Variants in PRSS3 observed in about 807,000 individuals in gnomAD.
PRSS3 encodes the protein serine protease 3.
Under a neutral mutation model 20.8 loss-of-function variants are expected in PRSS3, and 14 were observed. The ratio of observed to expected loss-of-function variants is 0.67; its 90% CI spans 0.44 to 1.05. The LOEUF (loss-of-function observed/expected upper bound fraction) is 1.05, where lower values mean the gene tolerates loss of function less well. Ranked by LOEUF, PRSS3 falls within the 50% of genes least tolerant of loss-of-function variation. PRSS3 has a pLI of 0.00. For synonymous variants in PRSS3, 91 were observed against 117.6 expected, an observed-to-expected ratio of 0.77 and a Z score of 1.46; for missense variants, 237 against 306.4, an observed-to-expected ratio of 0.77 and a Z score of 1.69.
At chr9:33,781,067 A>C (rs902406422) in intron 1 of PRSS3, among the ~76,000 whole-genome samples, 12 of 152,244 alleles carry the variant, frequency 7.9e-5, no homozygotes, top group Non-Finnish European at 1.8e-4. Flanking sequence ...TCCACCCAAA[A>C]GGAATGCTTA....
chr9:33,795,735 A>T (rs548370866), intron 1 of PRSS3, 122 bp downstream of exon 1: 1 of 1,242,346 alleles, frequency 8.0e-7, no homozygotes, highest in African/African-American at 1.5e-5. Flanking sequence ...TCCATCTGAC[A>T]TATCTCCTTC....
Position 33,750,900 on chromosome 9 carries a change from G to A in PRSS3, c.-53+173G>A. On this transcript the variant is annotated intron_variant, in intron 1 of 5. Coordinates refer to the PRSS3 transcript ENST00000342836. The surrounding 1 kb of genome is among the most constrained non-coding windows in gnomAD (Gnocchi z 4.8). ...CCGACTGGGAGGGGCTCAGGGACAG[G>A]GATGGAGGCTCCTCTAGGGGAGGAC... is the stretch of plus-strand genomic sequence containing the variant. The A allele has an allele frequency of 5.2e-6, 7 of 1,342,222 alleles. No homozygotes were observed. The highest frequency in any genetic ancestry group is 6.7e-6 in the Non-Finnish European group (7 of 1,049,234). 83.1% of individuals were successfully genotyped at this position (1,342,222 alleles called of 1,614,324 possible). A position where few individuals can be genotyped will look rare whatever the true frequency, so the allele number is the denominator to read the frequency against.
At chr9:33,771,387 G>A (rs942893785) in intron 1 of PRSS3, among the ~76,000 whole-genome samples, 11 of 151,116 alleles carry the variant, frequency 7.3e-5, no homozygotes, top group African/African-American at 2.4e-4. Flanking sequence ...GTGCAGTGGC[G>A]CGATCTCAGC....
chr9:33,785,044 C>T (rs2119017960), intron 1 of PRSS3, among the ~76,000 whole-genome samples: 1 of 151,626 alleles, frequency 6.6e-6, no homozygotes, highest in Middle Eastern at 3.4e-3. Context: ...GTATGAAAAG[C>T]AGAGTAAGTG....
intron 1 of PRSS3, among the ~76,000 whole-genome samples, chr9:33,762,424 A>G (rs960324186): frequency 2.6e-5 from 4 of 152,158 alleles, no homozygotes; most frequent in Admixed American, 6.6e-5. Flanking sequence ...AGTCACATCC[A>G]CCTGTGAGCA....
At chr9:33,791,969 G>A (rs1356845068), upstream of PRSS3, among the ~76,000 whole-genome samples, 1 of 152,116 alleles carries the variant, frequency 6.6e-6, no homozygotes, top group Non-Finnish European at 1.5e-5. Flanking sequence ...GAGGCAGGCA[G>A]GGAGGAATGG....
intron 1 of PRSS3, chr9:33,786,721 T>G: frequency 1.3e-6 from 1 of 766,302 alleles, no homozygotes; most frequent in Non-Finnish European, 2.4e-6. Flanking sequence ...AGAGCAGATT[T>G]GTCATTGACA....
At chr9:33,795,319 CCCAGCATCCTTCCAGGAAATAG>C (rs1210384436), upstream of PRSS3, among the ~76,000 whole-genome samples, 1 of 152,220 alleles carries the variant, frequency 6.6e-6, no homozygotes, top group Non-Finnish European at 1.5e-5. Flanking sequence ...TCTTCCCCAT[CCCAGCATCCTTCCAGGAAATAG>C]CCAGTCTCCC....
At chr9:33,755,054 G>T (rs972561876) in intron 1 of PRSS3, among the ~76,000 whole-genome samples, 1 of 152,142 alleles carries the variant, frequency 6.6e-6, no homozygotes, top group African/African-American at 2.4e-5. Flanking sequence ...TAGAGTGCAA[G>T]GACCACTCTG....
chr9:33,789,754 T>C (rs961575832), intron 1 of PRSS3, among the ~76,000 whole-genome samples: 1 of 152,224 alleles, frequency 6.6e-6, no homozygotes, highest in Non-Finnish European at 1.5e-5. Flanking sequence ...CCTTGGATTA[T>C]GAAGCACCTT....
At chr9:33,773,431 T>C (rs1823788708) in intron 1 of PRSS3, among the ~76,000 whole-genome samples, 2 of 152,188 alleles carry the variant, frequency 1.3e-5, no homozygotes, top group Admixed American at 1.3e-4. Flanking sequence ...AGATGAGGTC[T>C]TCACACATCC....
chr9:33,790,735 T>C (rs74813692), upstream of PRSS3, among the ~76,000 whole-genome samples: 1 of 152,226 alleles, frequency 6.6e-6, no homozygotes, highest in Non-Finnish European at 1.5e-5. Flanking sequence ...TACTCACAAA[T>C]GCACTGAAAC....
At chr9:33,781,629 A>G (rs1366238389) in intron 1 of PRSS3, among the ~76,000 whole-genome samples, 1 of 152,202 alleles carries the variant, frequency 6.6e-6, no homozygotes, top group Non-Finnish European at 1.5e-5. Flanking sequence ...CTTCATATGT[A>G]CCCTCTGTAT....
chr9:33,794,401 C>A (rs1210513480), upstream of PRSS3, among the ~76,000 whole-genome samples: 1 of 152,208 alleles, frequency 6.6e-6, no homozygotes, highest in Non-Finnish European at 1.5e-5. Context: ...CCACACTACT[C>A]TGGCCAGGTT....
At position 33,771,779 on chromosome 9, in the gene PRSS3, TTTTTC is replaced by T. The variant is rs563051441; in HGVS notation, c.-53+21072_-53+21076del. ...ATGCACCACCACACCCAGCTAATTT[TTTTTC>T]TTTTCTTTTCTTTTCTTTTTGTTTT... On this transcript the variant is annotated intron_variant, in intron 1 of 5. Coordinates refer to the PRSS3 transcript ENST00000342836. Among the ~76,000 whole-genome samples, 218 of 151,558 alleles carry T rather than the reference TTTTTC, an allele frequency of 1.4e-3. 1 individual carries two copies. Among genetic ancestry groups the T allele is most frequent in the Middle Eastern group, 0.014 (4 of 294 alleles).
intron 1 of PRSS3, among the ~76,000 whole-genome samples, chr9:33,770,969 A>C (rs1356086381): frequency 6.6e-6 from 1 of 152,192 alleles, no homozygotes; most frequent in Admixed American, 6.5e-5. Context: ...TATATAATTC[A>C]ATTTATGAAT....
chr9:33,751,285 A>G (rs1822685637), intron 1 of PRSS3, among the ~76,000 whole-genome samples: 1 of 152,158 alleles, frequency 6.6e-6, no homozygotes, highest in South Asian at 2.1e-4. Context: ...TCCTTTCCTG[A>G]GGCCAGGAAG....
chr9:33,798,384 C>T, intron 3 of PRSS3, 102 bp from the exon 4 acceptor site: 2 of 1,545,580 alleles, frequency 1.3e-6, no homozygotes, highest in Non-Finnish European at 1.8e-6. Context: ...GAGTCCTCTC[C>T]AGAGGCAGTG....
intron 1 of PRSS3, chr9:33,761,971 GACTGTAT>G (rs2118807975): frequency 6.6e-6 from 1 of 152,266 alleles, no homozygotes; most frequent in African/African-American, 2.4e-5. Flanking sequence ...TGCGGCACCT[GACTGTAT>G]ACAGCTCTCT....
Sources: allele counts gnomAD v4.1 joint callset (sites outside exome capture counted in the v4.1 genomes callset), GRCh38; gene constraint gnomAD v4.1.1; non-coding constraint Gnocchi (gnomAD v3.1); transcripts MANE v1.5; gene names NCBI Gene and HGNC (gene_info 2026-07-23, HGNC 2026-07-21).